The following COL5A2 variants were observed in gnomAD, a reference collection of about 807,000 sequenced individuals.
COL5A2 encodes the protein collagen type V alpha 2 chain.
Under a neutral mutation model 208.2 loss-of-function variants are expected in COL5A2, and 23 were observed. That is an observed-to-expected ratio of 0.11 (90% confidence interval 0.08 to 0.16). COL5A2 has a LOEUF of 0.16. COL5A2 is among the 10% of genes least tolerant of loss of function. The pLI, the probability that COL5A2 is intolerant of heterozygous loss-of-function variation, is 1.00. For missense variants in COL5A2, 1,590 were observed against 1,956.4 expected, an observed-to-expected ratio of 0.81 and a Z score of 3.53; for synonymous variants, 625 against 628.5, an observed-to-expected ratio of 0.99 and a Z score of 0.08.
chr2:189,099,606 C>T (rs1687008205), intron 4 of COL5A2, among the ~76,000 whole-genome samples: 2 of 152,252 alleles, frequency 1.3e-5, no homozygotes, highest in South Asian at 4.2e-4. Flanking sequence ...GCCTGGGTAA[C>T]AGAGCGAGAC....
intron 1 of COL5A2, among the ~76,000 whole-genome samples, chr2:189,198,010 C>T (rs968369505): frequency 1.3e-4 from 20 of 152,076 alleles, no homozygotes; most frequent in African/African-American, 3.4e-4. Flanking sequence ...CCACCACACC[C>T]AGCTAATTTT....
At chr2:189,155,535 T>C (rs1160369943) in intron 1 of COL5A2, among the ~76,000 whole-genome samples, 1 of 152,214 alleles carries the variant, frequency 6.6e-6, no homozygotes, top group Non-Finnish European at 1.5e-5. Context: ...CTGGCCACAC[T>C]AGTAGCACTT....
chr2:189,235,224 C>T, the COL5A2 span, among the ~76,000 whole-genome samples: 3 of 151,714 alleles, frequency 2.0e-5, no homozygotes, highest in Non-Finnish European at 2.9e-5. Context: ...CTGGCACACA[C>T]ATTCTCTAAA....
intron 7 of COL5A2, among the ~76,000 whole-genome samples, chr2:189,089,045 G>T (rs1462105710): frequency 1.3e-5 from 2 of 152,230 alleles, no homozygotes; most frequent in South Asian, 2.1e-4. Context: ...ATAAAAGCAT[G>T]GATTGTTCTG....
At chr2:189,066,638 C>A in intron 22 of COL5A2, 91 bp downstream of exon 22, 1 of 1,339,554 alleles carries the variant, frequency 7.5e-7, no homozygotes, top group Non-Finnish European at 1.1e-6. Flanking sequence ...TATTATAATT[C>A]TCATTATTAT....
chr2:189,093,772 C>T (rs1686840949), intron 6 of COL5A2, among the ~76,000 whole-genome samples: 1 of 152,146 alleles, frequency 6.6e-6, no homozygotes, highest in Non-Finnish European at 1.5e-5. Context: ...TTATACACAA[C>T]AGAGGCTGAT....
chr2:189,112,062 C>T (rs1482912945), intron 1 of COL5A2, among the ~76,000 whole-genome samples: 2 of 151,900 alleles, frequency 1.3e-5, no homozygotes, highest in African/African-American at 2.4e-5. Context: ...GGGGTTTCGC[C>T]GTGTTTGCCA....
chr2:189,223,674 A>T (rs573826198), intron 1 of COL5A2, among the ~76,000 whole-genome samples: 1 of 152,196 alleles, frequency 6.6e-6, no homozygotes, highest in Non-Finnish European at 1.5e-5. Context: ...AAAATCTTTC[A>T]AACATGATGA....
At chr2:189,163,169 C>G (rs1018389089) in intron 1 of COL5A2, among the ~76,000 whole-genome samples, 3 of 152,098 alleles carry the variant, frequency 2.0e-5, no homozygotes, top group Non-Finnish European at 4.4e-5. Context: ...CTCCACCTGT[C>G]CCATTGTTCT....
chr2:189,432,086 C>G, the COL5A2 span, among the ~76,000 whole-genome samples: 1 of 152,144 alleles, frequency 6.6e-6, no homozygotes, highest in South Asian at 2.1e-4. Context: ...AATTTCATAT[C>G]CAGCCAAACT....
At chr2:189,376,543 C>A in the COL5A2 span, among the ~76,000 whole-genome samples, 2 of 144,894 alleles carry the variant, frequency 1.4e-5, no homozygotes, top group Non-Finnish European at 3.1e-5. Flanking sequence ...CCTCTGCACC[C>A]AGGTACAGAG....
chr2:189,322,796 A>G, the COL5A2 span, among the ~76,000 whole-genome samples: 19 of 152,230 alleles, frequency 1.2e-4, no homozygotes, highest in Non-Finnish European at 2.2e-4. Flanking sequence ...CAATCAATAG[A>G]AAAAGAGGGA....
chr2:189,144,847 G>C (rs1007093234), intron 1 of COL5A2, among the ~76,000 whole-genome samples: 5 of 152,070 alleles, frequency 3.3e-5, no homozygotes, highest in African/African-American at 1.2e-4. Context: ...GGGAACAGAT[G>C]CTTCATATCT....
At chr2:189,202,499 G>T (rs1689091382) in intron 1 of COL5A2, among the ~76,000 whole-genome samples, 1 of 152,128 alleles carries the variant, frequency 6.6e-6, no homozygotes, top group Non-Finnish European at 1.5e-5. Context: ...AAGTAAACTG[G>T]TCAGATGTGG....
chr2:189,094,456 C>T (rs1323351651), intron 6 of COL5A2, among the ~76,000 whole-genome samples: 2 of 151,242 alleles, frequency 1.3e-5, no homozygotes, highest in African/African-American at 4.9e-5. Context: ...CCGCAGTAAT[C>T]TACAATAAAA....
chr2:189,304,898 G>C, the COL5A2 span, among the ~76,000 whole-genome samples: 1 of 152,166 alleles, frequency 6.6e-6, no homozygotes, highest in Admixed American at 6.5e-5. Flanking sequence ...CACTGAGAAA[G>C]TGATCAAATT....
At chr2:189,114,353 C>T (rs1021569612) in intron 1 of COL5A2, among the ~76,000 whole-genome samples, 2 of 152,110 alleles carry the variant, frequency 1.3e-5, no homozygotes, top group East Asian at 3.8e-4. Context: ...GGTAGTTGTA[C>T]ACCATATGAT....
At position 189,055,965 on chromosome 2, in the gene COL5A2, T is replaced by C. The variant is rs557381760; in HGVS notation, c.2391+1008A>G. Among the ~76,000 whole-genome samples the C allele has an allele frequency of 1.3e-4, 20 of 152,362 alleles. 1 individual carries two copies. The South Asian group carries it at 3.7e-3, about 28-fold the overall frequency. On this transcript the variant is annotated intron_variant, in intron 35 of 53. Coordinates refer to ENST00000374866, the MANE Select transcript of COL5A2 (RefSeq NM_000393.5). ...CAGATTTACTTGACTATTTTTGAAA[T>C]ATTAAATTAAATATTAGATTTAACT...
chr2:189,262,050 T>A, the COL5A2 span, among the ~76,000 whole-genome samples: 1 of 152,192 alleles, frequency 6.6e-6, no homozygotes, highest in African/African-American at 2.4e-5. Context: ...ATTTGTTAAA[T>A]GACTTAATCT....
Sources: allele counts gnomAD v4.1 joint callset (sites outside exome capture counted in the v4.1 genomes callset), GRCh38; gene constraint gnomAD v4.1.1; transcripts MANE v1.5; gene names NCBI Gene and HGNC (gene_info 2026-07-23, HGNC 2026-07-21).